The following FST variants were observed in gnomAD, a reference collection of about 807,000 sequenced individuals.
FST encodes follistatin.
FST carries 6 observed loss-of-function variants against 38.4 expected under a neutral mutation model. The ratio of observed to expected loss-of-function variants is 0.16; its 90% CI spans 0.09 to 0.31. The LOEUF is 0.31. Among genes scored for constraint, FST ranks in the 10% least tolerant of loss-of-function variants. FST has a pLI of 1.00. For missense variants in FST, 301 were observed against 432.3 expected (o/e 0.70, Z 2.69); for synonymous variants, 157 against 169.8 (o/e 0.92, Z 0.59).
Position 53,482,593 on chromosome 5 carries a change from A to ACATTGTTTATTTTGTTTGG in FST, c.86-282_86-281insTTTATTTTGTTTGGCATTG, listed in dbSNP as rs1747302519. On this transcript the variant is annotated intron_variant, in intron 1 of 5. Transcript: ENST00000256759. ...GTTGTGTCTGGGTCACTGGTAACTGACATTGATATGGCTGGGGCGCCCTGT... is the reference window on the plus strand; with the variant it reads ...GTTGTGTCTGGGTCACTGGTAACTGACATTGTTTATTTTGTTTGGCATTGATATGGCTGGGGCGCCCTGT... 6.6e-6 allele frequency: 3 copies of ACATTGTTTATTTTGTTTGG among 457,412 alleles called. No individual in the cohort carries two copies. In the East Asian group the frequency reaches 1.0e-4, roughly 16 times the overall value. 28.3% of individuals were successfully genotyped at this position (457,412 alleles called of 1,614,324 possible).
chr5:53,481,375 A>G (rs1747194549), intron 1 of FST, among the ~76,000 whole-genome samples: 1 of 145,322 alleles, frequency 6.9e-6, no homozygotes, highest in Non-Finnish European at 1.5e-5. Context: ...ACTTTGCCCA[A>G]ACTTGGAAAT....
chr5:53,486,143 G>A lies in FST; in HGVS notation c.*110G>A. 1.7e-6 allele frequency: 1 copy of A among 582,590 alleles called. No homozygotes were observed. The highest frequency in any genetic ancestry group is 2.9e-6 in the Non-Finnish European group (1 of 341,976). The allele number at this position is 582,590 out of a possible 1,614,324, so 36.1% of individuals were successfully genotyped here. A position where few individuals can be genotyped will look rare whatever the true frequency, so the allele number is the denominator to read the frequency against. Reference sequence around the variant, plus strand: ...TTGTCCATACTGTAAATAAGTGTATGCTTATTTATTTGGGGGGAAAACTAT... The same window carrying A: ...TTGTCCATACTGTAAATAAGTGTATACTTATTTATTTGGGGGGAAAACTAT... On this transcript the variant is annotated 3_prime_UTR_variant, in exon 6 of 6. Coordinates refer to ENST00000256759, the MANE Select transcript of FST (RefSeq NM_013409.3).
Position 53,483,071 on chromosome 5 carries a change from G to C in FST, c.277G>C (p.Glu93Gln). The change falls in exon 2 of 6, where the codon GAA becomes CAA. Residue 93 changes from glutamate to glutamine, a missense_variant and splice_region_variant. Glu to Gln is a conservative substitution (Grantham distance 29, BLOSUM62 2). Transcript: ENST00000256759. The surrounding 1 kb of genome is among the most constrained non-coding windows in gnomAD (Gnocchi z 4.1). The part of the protein sequence containing the change: ...GGAPNCIPCK[E>Q]TCENVDCGPG... Reference sequence around the variant, plus strand: ...CGCCCCCAACTGCATCCCCTGTAAAGGTAGGACTCCTTCTTCCCAACTTGC... The same window carrying C: ...CGCCCCCAACTGCATCCCCTGTAAACGTAGGACTCCTTCTTCCCAACTTGC... The C allele has an allele frequency of 6.2e-7, 1 of 1,607,352 alleles. No homozygotes were observed. The highest frequency in any genetic ancestry group is 2.2e-5 in the East Asian group (1 of 44,854).
In FST at chr5:53,483,489, G is replaced by A; in HGVS notation, c.278-15G>A. 1 of 1,605,194 alleles carries A rather than the reference G, an allele frequency of 6.2e-7. No individual in the cohort carries two copies. Among genetic ancestry groups the A allele is most frequent in the Middle Eastern group, 1.7e-4 (1 of 5,774 alleles). On this transcript the variant is annotated splice_polypyrimidine_tract_variant and intron_variant, in intron 2 of 5. Transcript: ENST00000256759. This position sits in a 1 kb window ranked among gnomAD's most constrained non-coding sequence, Gnocchi z 4.1. ...CTGGCTCTGGTTTTAATCCATGCCT[G>A]TTTCTAACTCACAGAAACGTGTGAG...
At chr5:53,482,344 C>A (rs1747281275) in intron 1 of FST, among the ~76,000 whole-genome samples, 1 of 150,950 alleles carries the variant, frequency 6.6e-6, no homozygotes, top group African/African-American at 2.4e-5. Flanking sequence ...CCTTCTCCCT[C>A]TCTCTCCCCT....
intron 5 of FST, among the ~76,000 whole-genome samples, 164 bp downstream of exon 5, chr5:53,485,391 C>T (rs779786486): frequency 5.5e-4 from 83 of 152,138 alleles, no homozygotes; most frequent in Non-Finnish European, 1.0e-3. Context: ...AAATTCTCTG[C>T]GATGTTTCTT....
Position 53,483,046 on chromosome 5 carries a change from C to T in FST, c.252C>T (p.Gly84=), listed in dbSNP as rs1747336719. 1 of 1,613,034 alleles carries T rather than the reference C, an allele frequency of 6.2e-7. No individual in the cohort carries two copies. Among genetic ancestry groups the T allele is most frequent in the Non-Finnish European group, 8.5e-7 (1 of 1,179,150 alleles). The change falls in exon 2 of 6, where the codon GGC becomes GGT. Residue 84 remains glycine (G), a synonymous_variant. Transcript: ENST00000256759. The surrounding 1 kb of genome is among the most constrained non-coding windows in gnomAD (Gnocchi z 4.1). ...TCAAGTGGATGATTTTCAACGGGGG[C>T]GCCCCCAACTGCATCCCCTGTAAAG... The part of the protein sequence containing the change: ...TLFKWMIFNG[G]APNCIPCKET...
rs1330091036 is a variant in FST, at chr5:53,484,932, GA to G, written c.722-64del. 7.4e-6 allele frequency: 6 copies of G among 811,102 alleles called. No homozygotes were observed. The Admixed American group carries it at 1.0e-4, about 14-fold the overall frequency. The allele number at this position is 811,102 out of a possible 1,614,324, so 50.2% of individuals were successfully genotyped here. A position where few individuals can be genotyped will look rare whatever the true frequency, so the allele number is the denominator to read the frequency against. ...GTTTATATTTATTGATAGAGGACTA[GA>G]GAAAGGGAGAAAAGGGGGATATGGG... On this transcript the variant is annotated intron_variant, in intron 4 of 5. Transcript: ENST00000256759.
intron 4 of FST, among the ~76,000 whole-genome samples, chr5:53,484,788 C>T (rs1325766378): frequency 2.0e-5 from 3 of 152,034 alleles, no homozygotes; most frequent in East Asian, 1.9e-4. Context: ...GGGTTTTGTG[C>T]GTGTGTATGT....
intron 4 of FST, 65 bp from the exon 5 acceptor site, chr5:53,484,932 G>C (rs1747457272): frequency 1.2e-6 from 1 of 811,102 alleles, no homozygotes. Flanking sequence ...TAGAGGACTA[G>C]AGAAAGGGAG....
At chr5:53,485,859 G>A (rs1747518351) in intron 5 of FST, 92 bp from the exon 6 acceptor site, 7 of 1,596,410 alleles carry the variant, frequency 4.4e-6, no homozygotes, top group Non-Finnish European at 6.0e-6. Flanking sequence ...TAATATGGCT[G>A]TATCAGAGGG....
Position 53,480,763 on chromosome 5 carries a change from G to A in FST, c.-29G>A, listed in dbSNP as rs749580765. On this transcript the variant is annotated 5_prime_UTR_variant, in exon 1 of 6. Transcript: ENST00000256759. ...CGCCGCGCCGGCTCCCCGCGCCGCTGCGCTCCTCGCCCCGCGCCTGCCCCC... is the reference window on the plus strand; with the variant it reads ...CGCCGCGCCGGCTCCCCGCGCCGCTACGCTCCTCGCCCCGCGCCTGCCCCC... The A allele has an allele frequency of 8.2e-7, 1 of 1,218,234 alleles. No homozygotes were observed. Among genetic ancestry groups the A allele is most frequent in the South Asian group, 1.8e-5 (1 of 54,060 alleles). The allele number at this position is 1,218,234 out of a possible 1,614,324, so 75.5% of individuals were successfully genotyped here. A position where few individuals can be genotyped will look rare whatever the true frequency, so the allele number is the denominator to read the frequency against.
chr5:53,485,680 A>G (rs1310953413), intron 5 of FST: 1 of 1,589,350 alleles, frequency 6.3e-7, no homozygotes, highest in Non-Finnish European at 8.6e-7. Flanking sequence ...TTTTTATCTA[A>G]TTTCAGGAAT....
intron 4 of FST, 49 bp from the exon 5 acceptor site, chr5:53,484,948 G>A: frequency 1.1e-6 from 1 of 878,928 alleles, no homozygotes; most frequent in Middle Eastern, 2.2e-4. Flanking sequence ...GGGAGAAAAG[G>A]GGGATATGGG....
At position 53,484,787 on chromosome 5, in the gene FST, G is replaced by A. The variant is rs149143579; in HGVS notation, c.722-210G>A. Among the ~76,000 whole-genome samples, 653 of 152,272 alleles carry A rather than the reference G, an allele frequency of 4.3e-3. 6 individuals carry two copies. Among genetic ancestry groups the A allele is most frequent in the African/African-American group, 0.015 (627 of 41,548 alleles). On this transcript the variant is annotated intron_variant, in intron 4 of 5. Transcript: ENST00000256759. ...ATGTAAGAAACTGCAGGGGTTTTGT[G>A]CGTGTGTATGTGTGTGTGCATTTGA...
intron 5 of FST, 69 bp downstream of exon 5, chr5:53,485,296 A>G (rs552568172): frequency 1.2e-6 from 1 of 815,324 alleles, no homozygotes; most frequent in South Asian, 1.4e-5. Flanking sequence ...ATGGACACTT[A>G]CAAAGCACGC....
At chr5:53,484,044 A>G (rs1561297501) in intron 3 of FST, 25 bp from the exon 4 acceptor site, 4 of 1,600,590 alleles carry the variant, frequency 2.5e-6, no homozygotes, top group African/African-American at 1.3e-5. Flanking sequence ...GTACCTATTC[A>G]TGTGTGTTTC....
In FST at chr5:53,483,807, G is replaced by A. The variant is rs1046188912; in HGVS notation, c.496+85G>A. On this transcript the variant is annotated intron_variant, in intron 3 of 5. Transcript: ENST00000256759. This position sits in a 1 kb window ranked among gnomAD's most constrained non-coding sequence, Gnocchi z 4.1. Reference sequence around the variant, plus strand: ...AGTAGACCCTCTAGAAGACCCTTGGGGGATGGTGTAGTCCGCAGTAAGAGC... The same window carrying A: ...AGTAGACCCTCTAGAAGACCCTTGGAGGATGGTGTAGTCCGCAGTAAGAGC... 1 of 999,006 alleles carries A rather than the reference G, an allele frequency of 1.0e-6. No individual in the cohort carries two copies. The highest frequency in any genetic ancestry group is 1.5e-6 in the Non-Finnish European group (1 of 649,814). The allele number at this position is 999,006 out of a possible 1,614,324, so 61.9% of individuals were successfully genotyped here. A position where few individuals can be genotyped will look rare whatever the true frequency, so the allele number is the denominator to read the frequency against.
rs895305939 is a variant in FST, at chr5:53,485,233, T to C, written c.952+6T>C. The stretch of plus-strand genomic sequence containing the variant: ...GCACTCCGGATCTTGCAACTGTAAG[T>C]GCGATTTTTAACCTTGCTGCCATTT... On this transcript the variant is annotated splice_donor_region_variant and intron_variant, in intron 5 of 5. Coordinates refer to ENST00000256759, the MANE Select transcript of FST (RefSeq NM_013409.3). 2.6e-6 allele frequency: 4 copies of C among 1,524,244 alleles called. No individual in the cohort carries two copies. The highest frequency in any genetic ancestry group is 3.6e-6 in the Non-Finnish European group (4 of 1,099,804). The allele number at this position is 1,524,244 out of a possible 1,614,324, so 94.4% of individuals were successfully genotyped here.
Sources: allele counts gnomAD v4.1 joint callset (sites outside exome capture counted in the v4.1 genomes callset), GRCh38; gene constraint gnomAD v4.1.1; non-coding constraint Gnocchi (gnomAD v3.1); transcripts MANE v1.5; gene names NCBI Gene and HGNC (gene_info 2026-07-23, HGNC 2026-07-21).